Variants in WDFY4 observed in about 807,000 individuals in gnomAD.
WDFY4 encodes the protein WD repeat- and FYVE domain-containing protein 4.
A neutral mutation model predicts 351.9 loss-of-function variants in WDFY4; 169 were observed. That is an observed-to-expected ratio of 0.48 (90% CI 0.42 to 0.55). The LOEUF is 0.55. WDFY4 is among the 20% of genes least tolerant of loss of function. WDFY4 has a pLI of 0.00. For synonymous variants in WDFY4, 1,622 were observed against 1,574.6 expected, an observed-to-expected ratio of 1.03 and a Z score of -0.71; for missense variants, 3,803 against 3,935.6, an observed-to-expected ratio of 0.97 and a Z score of 0.90.
chr10:48,913,454 C>A lies in WDFY4; in HGVS notation c.7586+11591C>A, dbSNP rs766550069. ...GTGAGATCAGATTGGGAAAGATGGTCTTTCTCGGTGTCGTCGTGGCCATGT... is the reference window on the plus strand; with the variant it reads ...GTGAGATCAGATTGGGAAAGATGGTATTTCTCGGTGTCGTCGTGGCCATGT... On this transcript the variant is annotated intron_variant, in intron 47 of 61. Transcript: ENST00000325239. 5 of 1,613,642 alleles carry A rather than the reference C, an allele frequency of 3.1e-6. No individual in the cohort carries two copies. The South Asian group carries it at 5.5e-5, about 18-fold the overall frequency.
At chr10:48,824,383 TA>T (rs1199046180) in intron 35 of WDFY4, among the ~76,000 whole-genome samples, 3 of 152,358 alleles carry the variant, frequency 2.0e-5, no homozygotes, top group African/African-American at 7.2e-5. Flanking sequence ...TGATAACCAT[TA>T]ATAATGACAC....
chr10:48,890,520 C>A lies in WDFY4; in HGVS notation c.7168-59C>A, dbSNP rs1293623013. ...GCTGGTCACTACCCTCCTGTTTCCC[C>A]CAAGAATCATGGGCATGCTTCCTGT... On this transcript the variant is annotated intron_variant, in intron 43 of 61. Transcript: ENST00000325239. 2.1e-5 allele frequency: 32 copies of A among 1,547,890 alleles called. No individual in the cohort carries two copies. The East Asian group carries it at 7.8e-4, about 38-fold the overall frequency.
intron 56 of WDFY4, 50 bp downstream of exon 56, chr10:48,969,298 C>T: frequency 1.9e-6 from 3 of 1,539,026 alleles, no homozygotes; most frequent in Non-Finnish European, 1.8e-6. Context: ...CAGCCTTCCT[C>T]CAGCTGGAGG....
intron 14 of WDFY4, among the ~76,000 whole-genome samples, chr10:48,774,888 C>T (rs551547998): frequency 6.6e-5 from 10 of 151,548 alleles, no homozygotes; most frequent in South Asian, 4.2e-4. Context: ...TAATGGATCA[C>T]GTGGGGGCTG....
chr10:48,739,757 T>A (rs2064793138), intron 11 of WDFY4, among the ~76,000 whole-genome samples: 1 of 151,998 alleles, frequency 6.6e-6, no homozygotes, highest in African/African-American at 2.4e-5. Flanking sequence ...CTCCTCTCCC[T>A]CCCAAGAGGA....
intron 18 of WDFY4, among the ~76,000 whole-genome samples, chr10:48,779,157 G>A (rs2066136404): frequency 6.6e-6 from 1 of 152,222 alleles, no homozygotes; most frequent in South Asian, 2.1e-4. Flanking sequence ...GCCTTGCTGG[G>A]ACACAGGCTG....
At chr10:48,816,356 C>T (rs1366370409) in intron 31 of WDFY4, among the ~76,000 whole-genome samples, 1 of 152,168 alleles carries the variant, frequency 6.6e-6, no homozygotes, top group Non-Finnish European at 1.5e-5. Context: ...TTGGCGTCTT[C>T]ATTTTTTGTT....
chr10:48,751,177 G>A (rs374524577), intron 12 of WDFY4, among the ~76,000 whole-genome samples: 69 of 152,346 alleles, frequency 4.5e-4, no homozygotes, highest in Middle Eastern at 3.4e-3. Flanking sequence ...TTGAGAGGAC[G>A]CAGAGAAGTG....
At chr10:48,956,610 T>A (rs1841602790) in intron 51 of WDFY4, among the ~76,000 whole-genome samples, 1 of 152,102 alleles carries the variant, frequency 6.6e-6, no homozygotes, top group Non-Finnish European at 1.5e-5. Flanking sequence ...TCAGCAAGCT[T>A]CCAGACTCAC....
At chr10:48,971,259 G>C (rs1282186299) in intron 57 of WDFY4, among the ~76,000 whole-genome samples, 1 of 152,198 alleles carries the variant, frequency 6.6e-6, no homozygotes, top group Non-Finnish European at 1.5e-5. Context: ...CACTTTGAGA[G>C]GCTGAGGTGG....
At chr10:48,927,789 A>G (rs73296649) in intron 47 of WDFY4, among the ~76,000 whole-genome samples, 1,948 of 152,336 alleles carry the variant, frequency 0.013, 41 homozygotes, top group African/African-American at 0.044. Flanking sequence ...ACAAAAGATT[A>G]TGCTTTCTTA....
chr10:48,807,619 T>C (rs1379647392), intron 27 of WDFY4, among the ~76,000 whole-genome samples: 1 of 152,270 alleles, frequency 6.6e-6, no homozygotes, highest in African/African-American at 2.4e-5. Context: ...TTTAGGATTT[T>C]TGTTTTTTGG....
At chr10:48,949,532 C>G (rs1037483551) in intron 51 of WDFY4, among the ~76,000 whole-genome samples, 1 of 152,148 alleles carries the variant, frequency 6.6e-6, no homozygotes, top group Non-Finnish European at 1.5e-5. Flanking sequence ...TGTATCTTCT[C>G]CAGAGACCTT....
At position 48,968,755 on chromosome 10, in the gene WDFY4, G is replaced by A. The variant is rs971746673; in HGVS notation, c.8585-309G>A. 4.4e-4 allele frequency: 175 copies of A among 395,022 alleles called. 2 individuals carry two copies. Among genetic ancestry groups the A allele is most frequent in the African/African-American group, 6.3e-4 (31 of 49,450 alleles). 24.5% of individuals were successfully genotyped at this position (395,022 alleles called of 1,614,324 possible). On this transcript the variant is annotated intron_variant, in intron 55 of 61. Coordinates refer to ENST00000325239, the MANE Select transcript of WDFY4 (RefSeq NM_001394531.1). ...TGAGGTCTGGGCAGCTCCAAATCCC[G>A]TGCTGTGAGCCATATTCCAGCTGGG...
intron 2 of WDFY4, among the ~76,000 whole-genome samples, chr10:48,719,037 A>G (rs2063995530): frequency 6.6e-6 from 1 of 152,204 alleles, no homozygotes; most frequent in African/African-American, 2.4e-5. Context: ...CTGGAGAAGA[A>G]TTTTTTAAGC....
chr10:48,804,682 C>A, intron 25 of WDFY4: 3 of 979,520 alleles, frequency 3.1e-6, no homozygotes, highest in Non-Finnish European at 2.4e-6. Context: ...GTACCTGTAC[C>A]AGTTGTTTTC....
intron 47 of WDFY4, chr10:48,910,928 T>C: frequency 1.0e-6 from 1 of 984,632 alleles, no homozygotes; most frequent in Non-Finnish European, 1.2e-6. Flanking sequence ...TCTCCTTTGC[T>C]GAACCTTTTG....
chr10:48,827,772 G>A (rs1459705030), intron 36 of WDFY4, among the ~76,000 whole-genome samples: 1 of 151,616 alleles, frequency 6.6e-6, no homozygotes, highest in Non-Finnish European at 1.5e-5. Context: ...CAAAACACTA[G>A]CATTGACTTC....
chr10:48,758,490 TC>T (rs2065401368), intron 12 of WDFY4, among the ~76,000 whole-genome samples: 1 of 152,210 alleles, frequency 6.6e-6, no homozygotes, highest in Non-Finnish European at 1.5e-5. Flanking sequence ...TAAAAACTTC[TC>T]AAACGTTTTT....
Sources: allele counts gnomAD v4.1 joint callset (sites outside exome capture counted in the v4.1 genomes callset), GRCh38; gene constraint gnomAD v4.1.1; transcripts MANE v1.5; gene names NCBI Gene and HGNC (gene_info 2026-07-23, HGNC 2026-07-21).